NWD2: variants seen among roughly 807,000 people sequenced by gnomAD.
NWD2 encodes NACHT and WD repeat domain containing 2, also known as NACHT and WD repeat domain-containing protein 2.
In NWD2, 37 loss-of-function variants were observed where a neutral mutation model predicts 132.7. The observed-to-expected ratio is 0.28, with a 90% CI of 0.21 to 0.37. The LOEUF is 0.37. NWD2 is among the 10% of genes least tolerant of loss of function. NWD2 has a pLI of 1.00. For missense variants in NWD2, 1,592 were observed against 2,122.4 expected, an observed-to-expected ratio of 0.75 and a Z score of 4.91; for synonymous variants, 705 against 803.0, an observed-to-expected ratio of 0.88 and a Z score of 2.06.
intron 1 of NWD2, among the ~76,000 whole-genome samples, chr4:37,297,601 A>G (rs749623977): frequency 6.6e-6 from 1 of 152,216 alleles, no homozygotes; most frequent in Non-Finnish European, 1.5e-5. Context: ...AGTTGTCCCA[A>G]TAATACTGGA....
chr4:37,444,416 G>A lies in NWD2; in HGVS notation c.2428G>A (p.Ala810Thr). 6.4e-7 allele frequency: 1 copy of A among 1,552,084 alleles called. No individual in the cohort carries two copies. The highest frequency in any genetic ancestry group is 1.2e-5 in the South Asian group (1 of 84,050). The change falls in exon 7 of 7, where the codon GCT becomes ACT. Residue 810 changes from alanine to threonine, a missense_variant. By Grantham distance (58) the Ala-to-Thr change is moderately conservative. Transcript: ENST00000309447. The surrounding 1 kb of genome is among the most constrained non-coding windows in gnomAD (Gnocchi z 4.8). ...GGAACAGGCTTCCTTTGACAGGCAG[G>A]CTCCAGACCAGCCCTGGGTTTTCCA... ...FMEQASFDRQ[A>T]PDQPWVFQCN... is the part of the protein sequence containing the mutation.
chr4:37,444,956 T>A lies in NWD2; in HGVS notation c.2968T>A (p.Ser990Thr). 6.4e-7 allele frequency: 1 copy of A among 1,552,150 alleles called. No homozygotes were observed. The highest frequency in any genetic ancestry group is 8.7e-7 in the Non-Finnish European group (1 of 1,147,100). ...TGTCCTCACAGCTTTAGAAAATGGT[T>A]CCATCAGCACCTGGGATGTAGAGAC... is the stretch of plus-strand genomic sequence containing the variant. The part of the protein sequence containing the change: ...STVLTALENG[S>T]ISTWDVETRQ... Residue 990 changes from serine (S) to threonine (T), a missense_variant, in exon 7 of 7, where the codon TCC (serine) becomes ACC (threonine). Physicochemically the swap from Ser to Thr is moderately conservative, Grantham distance 58. Around this residue, in one of 7 missense-constraint regions of NWD2, gnomAD observed 1,071 missense variants for 1,398.0 expected, o/e 0.77. Coordinates refer to ENST00000309447, the MANE Select transcript of NWD2 (RefSeq NM_001144990.2). The surrounding 1 kb of genome is among the most constrained non-coding windows in gnomAD (Gnocchi z 4.8).
Position 37,444,211 on chromosome 4 carries a change from C to T in NWD2, c.2223C>T (p.Ala741=), listed in dbSNP as rs956190932. 1 of 1,551,504 alleles carries T rather than the reference C, an allele frequency of 6.4e-7. No individual in the cohort carries two copies. Among genetic ancestry groups the T allele is most frequent in the Non-Finnish European group, 8.7e-7 (1 of 1,146,980 alleles). The change falls in exon 7 of 7, where the codon GCC becomes GCT. Residue 741 remains alanine (A), a synonymous_variant. Coordinates refer to ENST00000309447, the MANE Select transcript of NWD2 (RefSeq NM_001144990.2). This position sits in a 1 kb window ranked among gnomAD's most constrained non-coding sequence, Gnocchi z 4.8. ...VWANRHLQLI[A]QKLYLQDDND... is the part of the protein sequence containing the mutation. ...CCAACAGACACCTGCAGCTCATAGCCCAGAAGCTATATCTGCAGGATGACA... is the reference window on the plus strand; with the variant it reads ...CCAACAGACACCTGCAGCTCATAGCTCAGAAGCTATATCTGCAGGATGACA...
chr4:37,378,763 G>T (rs1042381223), intron 3 of NWD2, among the ~76,000 whole-genome samples: 1 of 152,038 alleles, frequency 6.6e-6, no homozygotes, highest in Admixed American at 6.6e-5. Context: ...TAAAAAATTA[G>T]GCTTTTTCTG....
chr4:37,356,497 A>C lies in NWD2; in HGVS notation c.357+15A>C. 7.0e-7 allele frequency: 1 copy of C among 1,420,798 alleles called. No homozygotes were observed. Among genetic ancestry groups the C allele is most frequent in the Non-Finnish European group, 9.7e-7 (1 of 1,028,494 alleles). The allele number at this position is 1,420,798 out of a possible 1,614,324, so 88.0% of individuals were successfully genotyped here. ...CATGTTTTGTTGTGGGTATAAAAAA[A>C]CTAATGCTTTATATTAACTTTTAGA... is the stretch of plus-strand genomic sequence containing the variant. On this transcript the variant is annotated intron_variant, in intron 3 of 6. Coordinates refer to ENST00000309447, the MANE Select transcript of NWD2 (RefSeq NM_001144990.2).
At chr4:37,272,833 G>A (rs1202081222) in intron 1 of NWD2, among the ~76,000 whole-genome samples, 1 of 151,660 alleles carries the variant, frequency 6.6e-6, no homozygotes, top group Non-Finnish European at 1.5e-5. Flanking sequence ...CTTACAGCAA[G>A]AACTTAGATT....
intron 1 of NWD2, among the ~76,000 whole-genome samples, chr4:37,318,007 T>G (rs541525795): frequency 2.7e-5 from 4 of 148,668 alleles, no homozygotes; most frequent in South Asian, 4.2e-4. Flanking sequence ...AATTTCTTTT[T>G]TCTTTTTTCT....
At chr4:37,290,225 C>T (rs1718329887) in intron 1 of NWD2, among the ~76,000 whole-genome samples, 1 of 152,136 alleles carries the variant, frequency 6.6e-6, no homozygotes, top group Admixed American at 6.6e-5. Context: ...TAAACATAGA[C>T]AATACCAAGA....
At chr4:37,425,883 T>G (rs1711996674) in intron 3 of NWD2, among the ~76,000 whole-genome samples, 1 of 152,156 alleles carries the variant, frequency 6.6e-6, no homozygotes, top group African/African-American at 2.4e-5. Context: ...TCATGGATAC[T>G]CCCCATGGCT....
chr4:37,279,846 C>CTT (rs1718092872), intron 1 of NWD2, among the ~76,000 whole-genome samples: 1 of 152,106 alleles, frequency 6.6e-6, no homozygotes, highest in Non-Finnish European at 1.5e-5. Flanking sequence ...AATCTTTTCT[C>CTT]ATAAGAGAAT....
intron 3 of NWD2, among the ~76,000 whole-genome samples, chr4:37,360,236 A>G (rs184400678): frequency 6.6e-6 from 1 of 152,332 alleles, no homozygotes; most frequent in African/African-American, 2.4e-5. Flanking sequence ...ATAAAAGGCT[A>G]ACAACCAGTA....
In NWD2 at chr4:37,448,431, C is replaced by T. The variant is rs925327969; in HGVS notation, c.*1214C>T. On this transcript the variant is annotated 3_prime_UTR_variant, in exon 7 of 7. Transcript: ENST00000309447. Reference sequence around the variant, plus strand: ...AGGACTCTTCTGAGCCTTTTATAGTCCTATCCATTTCAAAGCAGAAGCTGT... The same window carrying T: ...AGGACTCTTCTGAGCCTTTTATAGTTCTATCCATTTCAAAGCAGAAGCTGT... 6.6e-6 allele frequency: 1 copy of T among 152,126 alleles called. No individual in the cohort carries two copies. The highest frequency in any genetic ancestry group is 1.5e-5 in the Non-Finnish European group (1 of 68,006). The allele number at this position is 152,126 out of a possible 1,614,324, so 9.4% of individuals were successfully genotyped here. A position where few individuals can be genotyped will look rare whatever the true frequency, so the allele number is the denominator to read the frequency against.
Position 37,269,035 on chromosome 4 carries a change from G to T in NWD2, c.151+23817G>T, listed in dbSNP as rs888701813. ...AGGGAACTTCAGATTTCCCACAGCA[G>T]TGATTTTTAAGCCTAGTTCTTGAGG... On this transcript the variant is annotated intron_variant, in intron 1 of 6. Coordinates refer to ENST00000309447, the MANE Select transcript of NWD2 (RefSeq NM_001144990.2). Among the ~76,000 whole-genome samples, 6 of 152,012 alleles carry T rather than the reference G, an allele frequency of 3.9e-5. No individual in the cohort carries two copies. The East Asian group carries it at 1.2e-3, about 29-fold the overall frequency.
chr4:37,335,208 T>C (rs1209235864), intron 2 of NWD2, among the ~76,000 whole-genome samples: 1 of 148,994 alleles, frequency 6.7e-6, no homozygotes, highest in Non-Finnish European at 1.5e-5. Flanking sequence ...CAGCCTGTTC[T>C]AGCCTTTGCG....
chr4:37,437,253 G>C (rs560774460), intron 5 of NWD2, among the ~76,000 whole-genome samples: 1 of 152,216 alleles, frequency 6.6e-6, no homozygotes, highest in Non-Finnish European at 1.5e-5. Flanking sequence ...CAAAGCACCT[G>C]CAGATTCTGT....
chr4:37,265,589 G>T (rs1168833351), intron 1 of NWD2, among the ~76,000 whole-genome samples: 1 of 151,932 alleles, frequency 6.6e-6, no homozygotes, highest in Non-Finnish European at 1.5e-5. Context: ...CTTGGCTAAT[G>T]GCCCCTTCCT....
intron 3 of NWD2, among the ~76,000 whole-genome samples, chr4:37,373,909 C>G (rs747468164): frequency 1.3e-5 from 2 of 152,202 alleles, no homozygotes; most frequent in Non-Finnish European, 2.9e-5. Flanking sequence ...AAACAAAACA[C>G]TTTAGAAAAC....
intron 3 of NWD2, among the ~76,000 whole-genome samples, chr4:37,369,862 T>C (rs1307948533): frequency 6.6e-6 from 1 of 152,210 alleles, no homozygotes; most frequent in Non-Finnish European, 1.5e-5. Context: ...AAAGCAGGTC[T>C]TCTCTTCCCA....
At chr4:37,246,064 C>T (rs372503938) in intron 1 of NWD2, among the ~76,000 whole-genome samples, 1 of 152,210 alleles carries the variant, frequency 6.6e-6, no homozygotes, top group East Asian at 1.9e-4. Context: ...ATGTATTTGA[C>T]TGGGGCAGGA....
Sources: gnomAD v4.1 joint callset for allele counts (sites outside exome capture counted in the v4.1 genomes callset) on GRCh38, gnomAD v4.1.1 for gene constraint, gnomAD v4.1.1 regional missense constraint, Gnocchi (gnomAD v3.1) non-coding constraint, MANE v1.5 for transcripts, NCBI Gene and HGNC (gene_info 2026-07-23, HGNC 2026-07-21) for gene names.